The following ABHD12 variants were observed in gnomAD, a reference collection of about 807,000 sequenced individuals.
ABHD12 encodes the protein abhydrolase domain containing 12, lysophospholipase, also known as lysophosphatidylserine lipase ABHD12.
A neutral mutation model predicts 58.3 loss-of-function variants in ABHD12; 43 were observed. The observed-to-expected ratio is 0.74, with a 90% CI of 0.58 to 0.95. The LOEUF (loss-of-function observed/expected upper bound fraction) is 0.95. ABHD12 is among the 40% of genes least tolerant of loss of function. ABHD12 has a pLI of 0.00. For synonymous variants in ABHD12, 219 were observed against 211.2 expected, an observed-to-expected ratio of 1.04 and a Z score of -0.32; for missense variants, 539 against 537.2, an observed-to-expected ratio of 1.00 and a Z score of -0.03.
chr20:25,332,495 G>T (rs1308288365), intron 2 of ABHD12, among the ~76,000 whole-genome samples: 1 of 151,208 alleles, frequency 6.6e-6, no homozygotes, highest in African/African-American at 2.4e-5. Flanking sequence ...CAAATCAACA[G>T]AATATACATT....
At chr20:25,331,859 A>C (rs2089282404) in intron 2 of ABHD12, among the ~76,000 whole-genome samples, 1 of 152,216 alleles carries the variant, frequency 6.6e-6, no homozygotes, top group Non-Finnish European at 1.5e-5. Context: ...TCATGCCAAA[A>C]TGTAAAGACC....
chr20:25,307,957 T>A lies in ABHD12; in HGVS notation c.867+9A>T. The stretch of plus-strand genomic sequence containing the variant: ...TGAAAAGTTAATTTTTAATAAAATC[T>A]GTACTTGCCACTGAAAATGGATGGC... On this transcript the variant is annotated intron_variant, in intron 9 of 12. Coordinates refer to ENST00000339157, the MANE Select transcript of ABHD12 (RefSeq NM_001042472.3). 6.6e-7 allele frequency: 1 copy of A among 1,523,136 alleles called. No homozygotes were observed. The highest frequency in any genetic ancestry group is 9.1e-7 in the Non-Finnish European group (1 of 1,097,962). 94.4% of individuals were successfully genotyped at this position (1,523,136 alleles called of 1,614,324 possible).
At chr20:25,343,520 T>C in intron 1 of ABHD12, among the ~76,000 whole-genome samples, 1 of 152,034 alleles carries the variant, frequency 6.6e-6, no homozygotes, top group East Asian at 1.9e-4. Flanking sequence ...AAAAAAAGAA[T>C]GAGGCCAGGC....
Position 25,302,260 on chromosome 20 carries a change from G to A in ABHD12, c.1116C>T (p.His372=). The A allele has an allele frequency of 6.2e-7, 1 of 1,613,732 alleles. No individual in the cohort carries two copies. Among genetic ancestry groups the A allele is most frequent in the Non-Finnish European group, 8.5e-7 (1 of 1,179,998 alleles). Residue 372 remains histidine (H), a synonymous_variant, in exon 12 of 13, where the codon CAC becomes CAT. Coordinates refer to ENST00000339157, the MANE Select transcript of ABHD12 (RefSeq NM_001042472.3). ...GCTCAGGGCTCTTGTAAATGTATTT[G>A]TGCCTGTAGCCAAGGTCTGAATGAA... ...VPFHSDLGYR[H]KYIYKSPELP... is the part of the protein sequence containing the mutation.
chr20:25,345,133 T>A (rs769463698), intron 1 of ABHD12, among the ~76,000 whole-genome samples: 1 of 151,968 alleles, frequency 6.6e-6, no homozygotes, highest in Non-Finnish European at 1.5e-5. Flanking sequence ...TCACCCAGGC[T>A]GAAGTGCAGT....
intron 5 of ABHD12, among the ~76,000 whole-genome samples, chr20:25,315,344 G>A (rs1018618204): frequency 1.3e-5 from 2 of 152,206 alleles, no homozygotes; most frequent in African/African-American, 2.4e-5. Context: ...CCCCCAGGAG[G>A]AGGGCTACAC....
intron 4 of ABHD12, among the ~76,000 whole-genome samples, chr20:25,319,788 C>T (rs756407195): frequency 6.6e-6 from 1 of 152,194 alleles, no homozygotes; most frequent in Non-Finnish European, 1.5e-5. Context: ...GATGCTGTGA[C>T]CTTTGAGATT....
chr20:25,348,836 A>G (rs1442801471), intron 1 of ABHD12, among the ~76,000 whole-genome samples: 2 of 152,082 alleles, frequency 1.3e-5, no homozygotes, highest in African/African-American at 4.8e-5. Context: ...TAATCCCAGC[A>G]CTTTGGGAGG....
Position 25,349,581 on chromosome 20 carries a change from T to C in ABHD12, c.192-10230A>G, listed in dbSNP as rs542420136. Among the ~76,000 whole-genome samples, 16 of 152,268 alleles carry C rather than the reference T, an allele frequency of 1.1e-4. No homozygotes were observed. The South Asian group carries it at 1.4e-3, about 14-fold the overall frequency. On this transcript the variant is annotated intron_variant, in intron 1 of 12. Coordinates refer to ENST00000339157, the MANE Select transcript of ABHD12 (RefSeq NM_001042472.3). ...TATGTAGCCATAAAAAGAATGAAAT[T>C]TGGATGCATGCTACAACATGGATGA...
chr20:25,335,193 A>G (rs1309582715), intron 2 of ABHD12, among the ~76,000 whole-genome samples: 1 of 152,268 alleles, frequency 6.6e-6, no homozygotes, highest in Admixed American at 6.5e-5. Flanking sequence ...TAGCCAAAAA[A>G]ACACATGAAA....
intron 1 of ABHD12, among the ~76,000 whole-genome samples, chr20:25,384,516 G>A (rs941594903): frequency 2.0e-5 from 3 of 151,704 alleles, no homozygotes; most frequent in Non-Finnish European, 4.4e-5. Context: ...AGGCTTAGGC[G>A]GGTGGATCAC....
chr20:25,328,956 A>G (rs1391223838), intron 2 of ABHD12, among the ~76,000 whole-genome samples: 1 of 152,190 alleles, frequency 6.6e-6, no homozygotes, highest in African/African-American at 2.4e-5. Context: ...GTATTACTCT[A>G]AATGAGCAGA....
chr20:25,390,742 G>GGTCTCCGCC lies in ABHD12; in HGVS notation c.-40_-39insGGCGGAGAC. 2 of 1,254,794 alleles carry GGTCTCCGCC rather than the reference G, an allele frequency of 1.6e-6. No individual in the cohort carries two copies. The highest frequency in any genetic ancestry group is 2.0e-6 in the Non-Finnish European group (2 of 999,516). 77.7% of individuals were successfully genotyped at this position (1,254,794 alleles called of 1,614,324 possible). On this transcript the variant is annotated 5_prime_UTR_variant, in exon 1 of 13. Transcript: ENST00000339157. ...GGGCCAGCCGCCGACGGCGCCCGCT[G>GGTCTCCGCC]GCCTGCGCCGCAGTGCCGCCGCTCA...
intron 1 of ABHD12, among the ~76,000 whole-genome samples, chr20:25,369,302 T>C (rs774510036): frequency 2.6e-5 from 4 of 152,168 alleles, no homozygotes; most frequent in Non-Finnish European, 5.9e-5. Context: ...TGGTGTTTTG[T>C]TGCGGAGTTT....
chr20:25,328,134 A>G (rs2089207652), intron 2 of ABHD12, among the ~76,000 whole-genome samples: 2 of 152,252 alleles, frequency 1.3e-5, no homozygotes, highest in African/African-American at 4.8e-5. Context: ...CAGCCATACA[A>G]GAATTTAGAT....
At chr20:25,378,916 G>C (rs982102058) in intron 1 of ABHD12, among the ~76,000 whole-genome samples, 8 of 152,014 alleles carry the variant, frequency 5.3e-5, no homozygotes, top group African/African-American at 1.9e-4. Flanking sequence ...TTTCTTATCC[G>C]CTAAACTTAT....
intron 1 of ABHD12, among the ~76,000 whole-genome samples, chr20:25,368,980 A>C (rs1167277186): frequency 6.6e-6 from 1 of 152,136 alleles, no homozygotes. Context: ...AAACCTAGCC[A>C]GGTGTAGTGG....
chr20:25,298,324 G>GGCGCGGTCTTGGCTCGCT (rs2088583101), downstream of ABHD12, among the ~76,000 whole-genome samples: 1 of 152,244 alleles, frequency 6.6e-6, no homozygotes, highest in East Asian at 1.9e-4. Flanking sequence ...GGAGTGCAGT[G>GGCGCGGTCTTGGCTCGCT]GCACGGTCTT....
intron 2 of ABHD12, chr20:25,339,016 ATAAAAG>A: frequency 7.5e-7 from 1 of 1,339,922 alleles, no homozygotes; most frequent in Non-Finnish European, 9.6e-7. Context: ...TTTTTGGGTA[ATAAAAG>A]CATTCTAGTT....
Sources: allele counts gnomAD v4.1 joint callset (sites outside exome capture counted in the v4.1 genomes callset), GRCh38; gene constraint gnomAD v4.1.1; transcripts MANE v1.5; gene names NCBI Gene and HGNC (gene_info 2026-07-23, HGNC 2026-07-21).